The following NEDD4L variants were observed in gnomAD, a reference collection of about 807,000 sequenced individuals.
The protein encoded by NEDD4L is E3 ubiquitin-protein ligase NEDD4-like.
NEDD4L carries 54 observed loss-of-function variants against 148.9 expected under a neutral mutation model. The observed-to-expected ratio is 0.36, with a 90% CI of 0.29 to 0.45. The LOEUF is 0.45. NEDD4L is among the 20% of genes least tolerant of loss of function. The pLI is 1.00. For missense variants in NEDD4L, 856 were observed against 1,233.8 expected (o/e 0.69, Z 4.59); for synonymous variants, 433 against 440.7 (o/e 0.98, Z 0.22).
chr18:58,231,673 C>T (rs988606443), intron 2 of NEDD4L, among the ~76,000 whole-genome samples: 6 of 152,188 alleles, frequency 3.9e-5, no homozygotes, highest in Admixed American at 3.9e-4. Flanking sequence ...AGCAGTTCTC[C>T]TACCCCAGCC....
rs561874037 is a variant in NEDD4L, at chr18:58,149,344, A to G, written c.49-16444A>G. ...CAGTCACAGAGGAAGCCATTTCCAG[A>G]GAGGAACAACCGTGTAGACTGCTTT... On this transcript the variant is annotated intron_variant, in intron 1 of 30. Coordinates refer to ENST00000400345, the MANE Select transcript of NEDD4L (RefSeq NM_001144967.3). 3.1e-5 allele frequency: 42 copies of G among 1,357,800 alleles called. No individual in the cohort carries two copies. The Admixed American group carries it at 1.3e-3, about 41-fold the overall frequency. The allele number at this position is 1,357,800 out of a possible 1,614,324, so 84.1% of individuals were successfully genotyped here. A position where few individuals can be genotyped will look rare whatever the true frequency, so the allele number is the denominator to read the frequency against.
At chr18:58,322,158 A>G (rs2058843468) in intron 6 of NEDD4L, among the ~76,000 whole-genome samples, 1 of 152,170 alleles carries the variant, frequency 6.6e-6, no homozygotes, top group Non-Finnish European at 1.5e-5. Context: ...CACACCCTGC[A>G]GTTAGAAATT....
chr18:58,289,727 T>C (rs1453651629), intron 5 of NEDD4L, among the ~76,000 whole-genome samples: 1 of 152,216 alleles, frequency 6.6e-6, no homozygotes, highest in African/African-American at 2.4e-5. Flanking sequence ...TTGAGTGTCT[T>C]TGGTGTGCAA....
intron 30 of NEDD4L, among the ~76,000 whole-genome samples, chr18:58,394,762 A>G (rs1383324403): frequency 2.6e-5 from 4 of 152,208 alleles, no homozygotes; most frequent in Admixed American, 6.5e-5. Context: ...CCTCTACGGT[A>G]TGTGTTTCTT....
chr18:58,265,934 A>C (rs17806115), intron 5 of NEDD4L, among the ~76,000 whole-genome samples: 26,659 of 152,044 alleles, frequency 0.18, 2,766 homozygotes, highest in Non-Finnish European at 0.21. Context: ...TCCTGAAGAA[A>C]AACTAAAGAA....
chr18:58,325,108 C>T lies in NEDD4L; in HGVS notation c.626C>T (p.Thr209Ile), dbSNP rs2059194580. 3 of 1,614,054 alleles carry T rather than the reference C, an allele frequency of 1.9e-6. No individual in the cohort carries two copies. The highest frequency in any genetic ancestry group is 1.3e-5 in the African/African-American group (1 of 75,070). Residue 209 changes from threonine to isoleucine, a missense_variant, in exon 9 of 31, where the codon ACT becomes ATT. This residue lies in a region of NEDD4L where 10 missense variants were observed against 35.1 expected (regional missense o/e 0.29). Transcript: ENST00000400345. ...GAAAAAGTGGACAATTTAGGCCGAA[C>T]TTACTATGTCAACCACAACAACCGG... ...WEEKVDNLGRTYYVNHNNRTT... is the reference protein window; with the variant it reads ...WEEKVDNLGRIYYVNHNNRTT...
At chr18:58,159,687 T>A (rs2035954256) in intron 1 of NEDD4L, among the ~76,000 whole-genome samples, 1 of 152,230 alleles carries the variant, frequency 6.6e-6, no homozygotes, top group Non-Finnish European at 1.5e-5. Flanking sequence ...GCTTAGTTAT[T>A]TTTTAAAGCA....
chr18:58,193,175 G>A (rs977973576), intron 2 of NEDD4L, among the ~76,000 whole-genome samples: 3 of 152,234 alleles, frequency 2.0e-5, no homozygotes, highest in African/African-American at 7.2e-5. Flanking sequence ...ATGTACATCT[G>A]ATTGGAAGAC....
At chr18:58,063,107 G>A (rs12456835) in intron 1 of NEDD4L, among the ~76,000 whole-genome samples, 115,142 of 141,910 alleles carry the variant, frequency 0.81, 47,206 homozygotes, top group East Asian at 1. Flanking sequence ...GTGCAGTGGC[G>A]TTATCACGGT....
Position 58,398,021 on chromosome 18 carries a change from A to G in NEDD4L, c.*1752A>G, listed in dbSNP as rs2050601362. On this transcript the variant is annotated 3_prime_UTR_variant, in exon 31 of 31. Transcript: ENST00000400345. The stretch of plus-strand genomic sequence containing the variant: ...AAGCCATGGAAGGTTGTGGTTGTAA[A>G]TGAGTTGTCTAAAGGGGTGCAGAGG... 6.6e-6 allele frequency: 1 copy of G among 151,992 alleles called. No homozygotes were observed. The highest frequency in any genetic ancestry group is 2.4e-5 in the African/African-American group (1 of 41,342). The allele number at this position is 151,992 out of a possible 1,614,324, so 9.4% of individuals were successfully genotyped here. A position where few individuals can be genotyped will look rare whatever the true frequency, so the allele number is the denominator to read the frequency against.
chr18:58,389,167 A>C lies in NEDD4L; in HGVS notation c.2630A>C (p.His877Pro), dbSNP rs1602027464. 1.9e-6 allele frequency: 3 copies of C among 1,611,650 alleles called. No individual in the cohort carries two copies. Among genetic ancestry groups the C allele is most frequent in the Non-Finnish European group, 8.5e-7 (1 of 1,178,576 alleles). The change falls in exon 28 of 31, where the codon CAC becomes CCC. Residue 877 changes from histidine (H) to proline (P), a missense_variant. His to Pro is a moderately conservative substitution (Grantham distance 77). Transcript: ENST00000400345. ...SIYKNGYCPNHPVIQWFWKAV... is the reference protein window; with the variant it reads ...SIYKNGYCPNPPVIQWFWKAV... ...TACAAGAACGGCTACTGCCCAAACC[A>C]CCCCGTCATTCAGTGGTTCTGGAAG...
intron 2 of NEDD4L, among the ~76,000 whole-genome samples, chr18:58,192,644 A>C (rs1214979813): frequency 6.6e-6 from 1 of 152,172 alleles, no homozygotes; most frequent in East Asian, 1.9e-4. Flanking sequence ...AGCTGAATGC[A>C]GGCATCTGTG....
intron 1 of NEDD4L, among the ~76,000 whole-genome samples, chr18:58,109,180 C>G (rs1488343005): frequency 6.6e-6 from 1 of 152,190 alleles, no homozygotes. Flanking sequence ...GGCTCCTGCC[C>G]TCATTGAGCT....
intron 2 of NEDD4L, among the ~76,000 whole-genome samples, chr18:58,185,119 A>C (rs1403982922): frequency 1.3e-5 from 2 of 152,130 alleles, no homozygotes; most frequent in South Asian, 2.1e-4. Flanking sequence ...GTATGGTGCA[A>C]ATGTGCAGCT....
intron 2 of NEDD4L, among the ~76,000 whole-genome samples, chr18:58,177,673 G>A (rs556404398): frequency 6.6e-6 from 1 of 152,318 alleles, no homozygotes; most frequent in South Asian, 2.1e-4. Context: ...CTACCCAAAA[G>A]TCATGCTTTT....
intron 1 of NEDD4L, among the ~76,000 whole-genome samples, chr18:58,142,947 G>A (rs1448605081): frequency 6.6e-6 from 1 of 152,148 alleles, no homozygotes; most frequent in Non-Finnish European, 1.5e-5. Context: ...AATGGAGGGA[G>A]GGAGAGGGGG....
In NEDD4L at chr18:58,227,469, C is replaced by T. The variant is rs573528934; in HGVS notation, c.123-17958C>T. Among the ~76,000 whole-genome samples the T allele has an allele frequency of 6.6e-5, 10 of 152,260 alleles. No individual in the cohort carries two copies. In the East Asian group the frequency reaches 1.7e-3, roughly 26 times the overall value. Reference sequence around the variant, plus strand: ...TTGGAGGTGAGTTGTCTGCAGGTCACCTCATCCCACCTTTACACATTAGTA... The same window carrying T: ...TTGGAGGTGAGTTGTCTGCAGGTCATCTCATCCCACCTTTACACATTAGTA... On this transcript the variant is annotated intron_variant, in intron 2 of 30. Transcript: ENST00000400345.
At chr18:58,347,214 G>A (rs12959651) in intron 16 of NEDD4L, among the ~76,000 whole-genome samples, 3 of 34,032 alleles carry the variant, frequency 8.8e-5, no homozygotes, top group African/African-American at 2.9e-4. Context: ...GGCCCCCCCC[G>A]CCCCCCCCCC....
chr18:58,206,241 T>A (rs946973096), intron 2 of NEDD4L, among the ~76,000 whole-genome samples: 7 of 152,010 alleles, frequency 4.6e-5, no homozygotes, highest in African/African-American at 1.7e-4. Flanking sequence ...ATACAAAAAT[T>A]AGCCAGGCAT....
Sources: allele counts gnomAD v4.1 joint callset (sites outside exome capture counted in the v4.1 genomes callset), GRCh38; gene constraint gnomAD v4.1.1; regional missense constraint gnomAD v4.1.1; transcripts MANE v1.5; gene names NCBI Gene and HGNC (gene_info 2026-07-23, HGNC 2026-07-21).